Variants in TMCC1 observed in about 807,000 individuals in gnomAD.
TMCC1 encodes transmembrane and coiled-coil domain family 1.
TMCC1 carries 15 observed loss-of-function variants against 52.4 expected under a neutral mutation model. That is an observed-to-expected ratio of 0.29 (90% CI 0.19 to 0.44). The LOEUF (loss-of-function observed/expected upper bound fraction) is 0.44, where lower values mean the gene tolerates loss of function less well. Ranked by LOEUF, TMCC1 falls within the 20% of genes least tolerant of loss-of-function variation. The probability of loss-of-function intolerance (pLI) is 1.00; values close to 1 mark genes in which losing one functional copy is unlikely to be tolerated. For synonymous variants in TMCC1, 279 were observed against 301.9 expected, an observed-to-expected ratio of 0.92 and a Z score of 0.79; for missense variants, 503 against 806.0, an observed-to-expected ratio of 0.62 and a Z score of 4.55.
chr3:129,881,022 C>G (rs1177849084), intron 1 of TMCC1, among the ~76,000 whole-genome samples: 1 of 152,026 alleles, frequency 6.6e-6, no homozygotes, highest in Non-Finnish European at 1.5e-5. Flanking sequence ...TACCACCATG[C>G]CAGGCTAATT....
intron 4 of TMCC1, among the ~76,000 whole-genome samples, chr3:129,772,739 A>C (rs550812711): frequency 0.09 from 13,448 of 149,176 alleles, 774 homozygotes; most frequent in African/African-American, 0.14. Context: ...AAAAAAAAAA[A>C]AAAAACTGAT....
chr3:129,743,414 T>TA (rs1182104518), intron 4 of TMCC1, among the ~76,000 whole-genome samples: 11 of 152,198 alleles, frequency 7.2e-5, no homozygotes, highest in African/African-American at 2.7e-4. Flanking sequence ...CATAAAAGAC[T>TA]ACTTTTGTAG....
intron 4 of TMCC1, among the ~76,000 whole-genome samples, chr3:129,726,368 T>C (rs1167607827): frequency 7.1e-6 from 1 of 140,942 alleles, no homozygotes; most frequent in Non-Finnish European, 1.5e-5. Flanking sequence ...TTCTCTAGGC[T>C]ACTATTTCTC....
chr3:129,862,469 G>A (rs544925740), intron 2 of TMCC1, among the ~76,000 whole-genome samples: 4 of 152,190 alleles, frequency 2.6e-5, no homozygotes, highest in Admixed American at 6.5e-5. Flanking sequence ...CTGTAAATCC[G>A]AAACTTCTAA....
intron 4 of TMCC1, among the ~76,000 whole-genome samples, chr3:129,736,651 A>G (rs183881830): frequency 1.2e-3 from 179 of 151,334 alleles, no homozygotes; most frequent in African/African-American, 3.8e-3. Flanking sequence ...CCTCCTGAGT[A>G]GCTGGGATCA....
intron 2 of TMCC1, among the ~76,000 whole-genome samples, chr3:129,833,446 TG>T (rs1560511551): frequency 2.0e-5 from 3 of 152,168 alleles, no homozygotes; most frequent in African/African-American, 7.2e-5. Context: ...AGTGCACACC[TG>T]TAGTCCCAGC....
At chr3:129,866,536 C>A (rs2107948956) in intron 2 of TMCC1, among the ~76,000 whole-genome samples, 1 of 151,434 alleles carries the variant, frequency 6.6e-6, no homozygotes, top group East Asian at 1.9e-4. Context: ...CGCCACCACG[C>A]CCGGCTAATT....
chr3:129,726,068 T>A (rs1292005526), intron 4 of TMCC1, among the ~76,000 whole-genome samples: 1 of 152,198 alleles, frequency 6.6e-6, no homozygotes, highest in Non-Finnish European at 1.5e-5. Context: ...TCTACCTGTA[T>A]GTACAGGTAC....
chr3:129,888,421 C>T (rs2061821500), intron 1 of TMCC1, among the ~76,000 whole-genome samples: 1 of 152,194 alleles, frequency 6.6e-6, no homozygotes, highest in South Asian at 2.1e-4. Flanking sequence ...AACAAGCACA[C>T]CTATCACCCA....
At chr3:129,662,685 G>A (rs1461009546) in intron 5 of TMCC1, among the ~76,000 whole-genome samples, 1 of 152,092 alleles carries the variant, frequency 6.6e-6, no homozygotes, top group Non-Finnish European at 1.5e-5. Flanking sequence ...TGAAACAACT[G>A]TCTTATATGT....
intron 4 of TMCC1, among the ~76,000 whole-genome samples, chr3:129,815,338 A>G (rs1354227566): frequency 1.3e-5 from 2 of 152,194 alleles, no homozygotes; most frequent in Non-Finnish European, 2.9e-5. Context: ...GTATCACACT[A>G]CCTGACTTCA....
chr3:129,684,039 C>T (rs183676097), intron 4 of TMCC1, among the ~76,000 whole-genome samples: 4 of 152,216 alleles, frequency 2.6e-5, no homozygotes, highest in African/African-American at 2.4e-5. Context: ...CTGTCTCTAA[C>T]GTCTTAAGAA....
intron 2 of TMCC1, among the ~76,000 whole-genome samples, chr3:129,860,621 A>G (rs1471583607): frequency 6.7e-6 from 1 of 149,374 alleles, no homozygotes; most frequent in Non-Finnish European, 1.5e-5. Context: ...TTTTTTTGAG[A>G]TGGAGTCTCG....
intron 2 of TMCC1, among the ~76,000 whole-genome samples, chr3:129,836,796 G>A (rs915441274): frequency 1.3e-5 from 2 of 152,212 alleles, no homozygotes; most frequent in African/African-American, 4.8e-5. Flanking sequence ...GCAATCATAG[G>A]AGAGTTCCCA....
chr3:129,702,841 C>T (rs1576503448), intron 4 of TMCC1, among the ~76,000 whole-genome samples: 2 of 152,052 alleles, frequency 1.3e-5, no homozygotes, highest in Non-Finnish European at 2.9e-5. Flanking sequence ...CATGGTGAAA[C>T]CCCGTCTCCA....
At chr3:129,892,000 CCTT>C (rs2061987196) in intron 1 of TMCC1, among the ~76,000 whole-genome samples, 1 of 152,152 alleles carries the variant, frequency 6.6e-6, no homozygotes, top group Admixed American at 6.6e-5. Flanking sequence ...ATAAAAGAGT[CCTT>C]CTGCAAGGTG....
chr3:129,811,883 G>A (rs1422946524), intron 4 of TMCC1, among the ~76,000 whole-genome samples: 2 of 151,590 alleles, frequency 1.3e-5, no homozygotes, highest in Admixed American at 1.3e-4. Flanking sequence ...GGCGGAGGTT[G>A]CAGTGAGCCC....
rs145823536 is a variant in TMCC1, at chr3:129,858,071, G to A, written c.-184+22238C>T. 5.1e-4 allele frequency among the ~76,000 whole-genome samples: 78 copies of A among 151,824 alleles called. No homozygotes were observed. The East Asian group carries it at 0.014, about 28-fold the overall frequency. ...TCTAAACAAAGGGAAGTTTTACAAT[G>A]CTAACACAACTTTCTGAACACCATC... On this transcript the variant is annotated intron_variant, in intron 2 of 6. Coordinates refer to ENST00000393238, the MANE Select transcript of TMCC1 (RefSeq NM_001017395.5).
chr3:129,892,884 A>C (rs574203953), intron 1 of TMCC1: 164 of 152,476 alleles, frequency 1.1e-3, no homozygotes, highest in African/African-American at 3.7e-3. Context: ...CCTATCCTAC[A>C]GGGGTTAACA....
Sources: gnomAD v4.1 joint callset for allele counts (sites outside exome capture counted in the v4.1 genomes callset) on GRCh38, gnomAD v4.1.1 for gene constraint, MANE v1.5 for transcripts, NCBI Gene and HGNC (gene_info 2026-07-23, HGNC 2026-07-21) for gene names.